Variants in GNAT2 observed in about 807,000 individuals in gnomAD.
The protein encoded by GNAT2 is G protein subunit alpha transducin 2.
Under a neutral mutation model 40.9 loss-of-function variants are expected in GNAT2, and 32 were observed. The ratio of observed to expected loss-of-function variants is 0.78; its 90% CI spans 0.59 to 1.05. The LOEUF is 1.05. Ranked by LOEUF, GNAT2 falls within the 50% of genes least tolerant of loss-of-function variation. The probability of loss-of-function intolerance (pLI) is 0.00; values close to 1 mark genes in which losing one functional copy is unlikely to be tolerated. For missense variants in GNAT2, 355 were observed against 431.5 expected (o/e 0.82, Z 1.57); for synonymous variants, 141 against 157.2 (o/e 0.90, Z 0.77).
intron 3 of GNAT2, 30 bp from the exon 4 acceptor site, chr1:109,610,211 T>C (rs761665623): frequency 1.1e-5 from 18 of 1,612,066 alleles, no homozygotes; most frequent in Non-Finnish European, 9.3e-6. Flanking sequence ...TGTCTTTAGC[T>C]GGACCTGAGT....
chr1:109,610,878 T>A (rs542760470), intron 2 of GNAT2: 104 of 364,840 alleles, frequency 2.9e-4, no homozygotes, highest in Non-Finnish European at 4.8e-4. Flanking sequence ...TGAAAACCAC[T>A]AACAGATTCA....
In GNAT2 at chr1:109,606,107, A is replaced by T; in HGVS notation, c.591-8T>A. 6.2e-7 allele frequency: 1 copy of T among 1,614,058 alleles called. No individual in the cohort carries two copies. Among genetic ancestry groups the T allele is most frequent in the Non-Finnish European group, 8.5e-7 (1 of 1,179,916 alleles). ...CCTCCCACATCAAACATCCTGAGGG[A>T]AGAAGCAGCTATTTTCATAGGTATG... is the stretch of plus-strand genomic sequence containing the variant. On this transcript the variant is annotated splice_region_variant and splice_polypyrimidine_tract_variant and intron_variant, in intron 6 of 8. Transcript: ENST00000679935.
intron 7 of GNAT2, chr1:109,604,371 A>T (rs2101122268): frequency 2.1e-6 from 1 of 473,844 alleles, no homozygotes; most frequent in Non-Finnish European, 3.9e-6. Flanking sequence ...ATGAAAGCTA[A>T]ATGAGATTGT....
Position 109,606,376 on chromosome 1 carries a change from C to T in GNAT2, c.522G>A (p.Val174=), listed in dbSNP as rs1487217921. 6.2e-7 allele frequency: 1 copy of T among 1,611,484 alleles called. No homozygotes were observed. The highest frequency in any genetic ancestry group is 1.1e-5 in the South Asian group (1 of 91,018). ...DPEYLPSEQD[V]LRSRVKTTGI... is the part of the protein sequence containing the mutation. ...CCGTGGTTTTGACTCTGGATCGGAG[C>T]ACATCTTGCTCACTAGGGAGGTACT... Residue 174 remains valine, a synonymous_variant, in exon 6 of 9, where the codon GTG becomes GTA. Transcript: ENST00000679935.
intron 1 of GNAT2, chr1:109,617,026 C>G (rs1158975227): frequency 6.6e-6 from 1 of 152,234 alleles, no homozygotes; most frequent in African/African-American, 2.4e-5. Flanking sequence ...TAGATGGAAA[C>G]AGCTGTATGG....
Position 109,603,883 on chromosome 1 carries a change from T to TA in GNAT2, c.874+67dup, listed in dbSNP as rs937977806. ...TAAGTTCCTTTGTGTCATCTTGGCCTAAAAAATGAGACAATTGCCAGTCTC... is the reference window on the plus strand; with the variant it reads ...TAAGTTCCTTTGTGTCATCTTGGCCTAAAAAAATGAGACAATTGCCAGTCTC... On this transcript the variant is annotated intron_variant, in intron 8 of 8. Coordinates refer to ENST00000679935, the MANE Select transcript of GNAT2 (RefSeq NM_001377295.2). 2.6e-5 allele frequency: 32 copies of TA among 1,223,076 alleles called. No homozygotes were observed. The African/African-American group carries it at 4.0e-4, about 15-fold the overall frequency. The allele number at this position is 1,223,076 out of a possible 1,614,324, so 75.8% of individuals were successfully genotyped here.
intron 8 of GNAT2, 67 bp downstream of exon 8, chr1:109,603,883 TA>T: frequency 1.6e-6 from 2 of 1,223,072 alleles, no homozygotes; most frequent in South Asian, 1.2e-5. Context: ...CATCTTGGCC[TA>T]AAAAATGAGA....
Position 109,612,937 on chromosome 1 carries a change from G to T in GNAT2, c.-53-14C>A. 1 of 1,070,528 alleles carries T rather than the reference G, an allele frequency of 9.3e-7. No individual in the cohort carries two copies. 66.3% of individuals were successfully genotyped at this position (1,070,528 alleles called of 1,614,324 possible). On this transcript the variant is annotated splice_polypyrimidine_tract_variant and intron_variant, in intron 1 of 8. Coordinates refer to ENST00000679935, the MANE Select transcript of GNAT2 (RefSeq NM_001377295.2). Reference sequence around the variant, plus strand: ...TCGTAAGGTTTCCTGTATGTGAGATGGAAGAGAAGGAAAAAAGTTGGGATT... The same window carrying T: ...TCGTAAGGTTTCCTGTATGTGAGATTGAAGAGAAGGAAAAAAGTTGGGATT...
intron 4 of GNAT2, 85 bp from the exon 5 acceptor site, chr1:109,608,873 T>C: frequency 9.8e-7 from 1 of 1,018,070 alleles, no homozygotes. Flanking sequence ...ATGGAAATCA[T>C]TTTACATTAC....
Position 109,610,165 on chromosome 1 carries a change from C to T in GNAT2, c.178G>A (p.Gly60Ser), listed in dbSNP as rs372515497. The T allele has an allele frequency of 6.2e-6, 10 of 1,613,924 alleles. No individual in the cohort carries two copies. In the African/African-American group the frequency reaches 1.3e-4, roughly 22 times the overall value. The change falls in exon 4 of 9, where the codon GGC (glycine) becomes AGC (serine). Residue 60 changes from glycine (G) to serine (S), a missense_variant. By Grantham distance (56) the Gly-to-Ser change is moderately conservative. Coordinates refer to ENST00000679935, the MANE Select transcript of GNAT2 (RefSeq NM_001377295.2). ...VKQMKIIHQD[G>S]YSPEECLEFK... ...TCCAGGCATTCTTCTGGTGAATAGC[C>T]ATCCTGGTGAATGATCCTGCAAGGG...
intron 1 of GNAT2, chr1:109,615,386 C>A (rs1243538864): frequency 1.3e-5 from 2 of 152,176 alleles, no homozygotes; most frequent in Admixed American, 6.5e-5. Context: ...AATTCCAACA[C>A]TTTGGGAGGC....
At chr1:109,613,352 G>C (rs958612579) in intron 1 of GNAT2, 2 of 219,252 alleles carry the variant, frequency 9.1e-6, no homozygotes, top group African/African-American at 4.6e-5. Flanking sequence ...CTTATGTTGA[G>C]CCTCCAGATT....
At chr1:109,619,037 T>C (rs1355095203) in intron 1 of GNAT2, among the ~76,000 whole-genome samples, 3 of 152,154 alleles carry the variant, frequency 2.0e-5, no homozygotes, top group African/African-American at 7.2e-5. Flanking sequence ...ATGCATTTAA[T>C]TATATTCAGT....
intron 1 of GNAT2, among the ~76,000 whole-genome samples, chr1:109,618,700 A>G (rs1650031987): frequency 6.6e-6 from 1 of 152,074 alleles, no homozygotes; most frequent in Non-Finnish European, 1.5e-5. Flanking sequence ...AGTCTTTGCT[A>G]TTTTGATTAG....
chr1:109,608,764 GGTT>G lies in GNAT2; in HGVS notation c.325_327del (p.Asn109del). On this transcript the variant is annotated inframe_deletion, in exon 5 of 9. Coordinates refer to ENST00000679935, the MANE Select transcript of GNAT2 (RefSeq NM_001377295.2). ...GTTCCCTCCTCAATGGAGTCAGCCA[GGTT>G]GTTGAGCTGTCGCCCGTCATCCTGT... The G allele has an allele frequency of 1.2e-6, 2 of 1,614,050 alleles. No individual in the cohort carries two copies. Among genetic ancestry groups the G allele is most frequent in the Non-Finnish European group, 1.7e-6 (2 of 1,179,894 alleles).
Position 109,614,600 on chromosome 1 carries a change from T to C in GNAT2, c.-53-1677A>G, listed in dbSNP as rs569811535. The C allele has an allele frequency of 2.6e-5, 4 of 152,330 alleles. No homozygotes were observed. The East Asian group carries it at 7.7e-4, about 29-fold the overall frequency. The allele number at this position is 152,330 out of a possible 1,614,324, so 9.4% of individuals were successfully genotyped here. On this transcript the variant is annotated intron_variant, in intron 1 of 8. Coordinates refer to ENST00000679935, the MANE Select transcript of GNAT2 (RefSeq NM_001377295.2). ...GTCCAGGCACAAGGATTTAAAAACG[T>C]CCCCAGCTGATTCTAGTGTACAGCC...
chr1:109,608,906 A>G, intron 4 of GNAT2, 118 bp from the exon 5 acceptor site: 1 of 812,002 alleles, frequency 1.2e-6, no homozygotes, highest in Non-Finnish European at 2.1e-6. Flanking sequence ...AGATGGAAGC[A>G]GTATCCAGTG....
intron 4 of GNAT2, 127 bp downstream of exon 4, chr1:109,609,913 C>A: frequency 2.1e-6 from 2 of 940,060 alleles, no homozygotes; most frequent in East Asian, 2.4e-5. Flanking sequence ...GAGATCCCAC[C>A]CAGCAGGTGG....
At chr1:109,618,789 T>C (rs1356169605) in intron 1 of GNAT2, among the ~76,000 whole-genome samples, 3 of 152,236 alleles carry the variant, frequency 2.0e-5, no homozygotes, top group Non-Finnish European at 2.9e-5. Flanking sequence ...TTTTTAAGTT[T>C]GTTCAGGGAA....
Sources: allele counts gnomAD v4.1 joint callset (sites outside exome capture counted in the v4.1 genomes callset), GRCh38; gene constraint gnomAD v4.1.1; transcripts MANE v1.5; gene names NCBI Gene and HGNC (gene_info 2026-07-23, HGNC 2026-07-21).